Variants in NOTCH4 observed in about 807,000 individuals in gnomAD.
NOTCH4 encodes neurogenic locus notch homolog protein 4.
A neutral mutation model predicts 189.0 loss-of-function variants in NOTCH4; 138 were observed. That is an observed-to-expected ratio of 0.73 (90% CI 0.64 to 0.84). The LOEUF (loss-of-function observed/expected upper bound fraction) is 0.84. Among genes scored for constraint, NOTCH4 ranks in the 40% least tolerant of loss-of-function variants. The pLI is 0.00. For missense variants in NOTCH4, 2,286 were observed against 2,605.4 expected (o/e 0.88, Z 2.67); for synonymous variants, 942 against 1,032.8 (o/e 0.91, Z 1.69).
chr6:32,208,530 C>T (rs1358908661), intron 18 of NOTCH4, among the ~76,000 whole-genome samples: 4 of 152,022 alleles, frequency 2.6e-5, no homozygotes, highest in South Asian at 2.1e-4. Context: ...GTCAGGAGTT[C>T]GAGACCATCC....
Position 32,195,950 on chromosome 6 carries a change from CG to C in NOTCH4, c.5498del (p.Pro1833ArgfsTer16). 1.3e-6 allele frequency: 2 copies of C among 1,593,052 alleles called. No homozygotes were observed. The highest frequency in any genetic ancestry group is 1.7e-6 in the Non-Finnish European group (2 of 1,176,704). On this transcript the variant is annotated frameshift_variant, in exon 30 of 30. Transcript: ENST00000375023. LOFTEE classifies it low-confidence loss of function (END_TRUNC). The surrounding 1 kb of genome is among the most constrained non-coding windows in gnomAD (Gnocchi z 5.4). ...GPPEARHKAT[P>X]GREAGPFPRA... ...GCGGGAAGGGCCCAGCCTCGCGGCC[CG>C]GCGTGGCTTTGTGACGGGCCTCTGG...
Position 32,199,063 on chromosome 6 carries a change from G to A in NOTCH4, c.4398C>T (p.Leu1466=), listed in dbSNP as rs766682085. The change falls in exon 24 of 30, where the codon CTC becomes CTT. Residue 1466 remains leucine (L), a synonymous_variant. Coordinates refer to ENST00000375023, the MANE Select transcript of NOTCH4 (RefSeq NM_004557.4). This position sits in a 1 kb window ranked among gnomAD's most constrained non-coding sequence, Gnocchi z 4.9. ...GVILLALGAL[L]VLQLIRRRRR... Reference sequence around the variant, plus strand: ...GTCGACGCCGGATGAGCTGGAGGACGAGAAGAGCCCCTAGGGCCAGGAGAA... The same window carrying A: ...GTCGACGCCGGATGAGCTGGAGGACAAGAAGAGCCCCTAGGGCCAGGAGAA... The A allele has an allele frequency of 1.4e-5, 22 of 1,612,848 alleles. No individual in the cohort carries two copies. The highest frequency in any genetic ancestry group is 1.8e-5 in the Non-Finnish European group (21 of 1,179,888).
Position 32,195,685 on chromosome 6 carries a change from C to T in NOTCH4, c.5764G>A (p.Gly1922Arg), listed in dbSNP as rs141525894. The T allele has an allele frequency of 3.1e-4, 497 of 1,612,846 alleles. No homozygotes were observed. The highest frequency in any genetic ancestry group is 4.0e-4 in the Non-Finnish European group (474 of 1,179,984). Residue 1922 changes from glycine to arginine, a missense_variant, in exon 30 of 30, where the codon GGG becomes AGG. By Grantham distance (125) the Gly-to-Arg change is moderately radical. This residue lies in a region of NOTCH4 where 383 missense variants were observed against 343.5 expected (regional missense o/e 1.11). Transcript: ENST00000375023. The surrounding 1 kb of genome is among the most constrained non-coding windows in gnomAD (Gnocchi z 5.4). Reference sequence around the variant, plus strand: ...ATTATCGCAGGGTTGGGCCGAGGCCCGCGCATGCCTGCAGAAAACCTACGG... The same window carrying T: ...ATTATCGCAGGGTTGGGCCGAGGCCTGCGCATGCCTGCAGAAAACCTACGG... ...RGRRFSAGMR[G>R]PRPNPAIMRG...
Position 32,217,230 on chromosome 6 carries a change from T to C in NOTCH4, c.1661A>G (p.Glu554Gly). 2 of 1,612,964 alleles carry C rather than the reference T, an allele frequency of 1.2e-6. No homozygotes were observed. The highest frequency in any genetic ancestry group is 8.5e-7 in the Non-Finnish European group (1 of 1,179,938). Residue 554 changes from glutamate to glycine, a missense_variant, in exon 10 of 30, where the codon GAG (glutamate) becomes GGG (glycine). This residue lies in a region of NOTCH4 where 1,903 missense variants were observed against 2,261.9 expected (regional missense o/e 0.84). Transcript: ENST00000375023. This position sits in a 1 kb window ranked among gnomAD's most constrained non-coding sequence, Gnocchi z 4.2. ...ATTGGCACAGGGAGAGCTTCTGCAC[T>C]CATCGATATCCTCCTCACATCGGGT... The part of the protein sequence containing the change: ...SGTRCEEDID[E>G]CRSSPCANGG...
rs758705010 is a variant in NOTCH4, at chr6:32,210,578, T to G, written c.2865+174A>C. 6.6e-6 allele frequency among the ~76,000 whole-genome samples: 1 copy of G among 152,158 alleles called. No individual in the cohort carries two copies. The highest frequency in any genetic ancestry group is 1.5e-5 in the Non-Finnish European group (1 of 68,028). ...AAAGGGTGAAGGTGAAAGCACAGAC[T>G]TGAGAAAACTTCAGGAGATAAAGTG... On this transcript the variant is annotated intron_variant, in intron 18 of 29. Transcript: ENST00000375023. This position sits in a 1 kb window ranked among gnomAD's most constrained non-coding sequence, Gnocchi z 4.8.
rs750353468 is a variant in NOTCH4 at position 32,202,185 on chromosome 6, AG to A, written c.3645del (p.Ser1216ProfsTer88). On this transcript the variant is annotated frameshift_variant, in exon 21 of 30. Transcript: ENST00000375023. LOFTEE classifies it high-confidence loss of function. This position sits in a 1 kb window ranked among gnomAD's most constrained non-coding sequence, Gnocchi z 5.7. ...LGVPDPWKGC[P>X]SHSRCWLLFR... is the part of the protein sequence containing the mutation. ...AAGAGAAGCCAGCACCGAGAGTGGG[AG>A]GGGCAGCCCTTCCAGGGGTCTGGGA... is the stretch of plus-strand genomic sequence containing the variant. The A allele has an allele frequency of 6.6e-7, 1 of 1,521,734 alleles. No individual in the cohort carries two copies. The highest frequency in any genetic ancestry group is 8.8e-7 in the Non-Finnish European group (1 of 1,134,024). The allele number at this position is 1,521,734 out of a possible 1,614,324, so 94.3% of individuals were successfully genotyped here.
At position 32,202,156 on chromosome 6, in the gene NOTCH4, C is replaced by A. The variant is rs141028533; in HGVS notation, c.3675G>T (p.Arg1225=). The change falls in exon 21 of 30, where the codon CGG becomes CGT. Residue 1225 remains arginine, a synonymous_variant. Coordinates refer to ENST00000375023, the MANE Select transcript of NOTCH4 (RefSeq NM_004557.4). The surrounding 1 kb of genome is among the most constrained non-coding windows in gnomAD (Gnocchi z 5.7). ...CACACTGTGGGTGGCACTGCCCGTCCCGGAAGAGAAGCCAGCACCGAGAGT... is the reference window on the plus strand; with the variant it reads ...CACACTGTGGGTGGCACTGCCCGTCACGGAAGAGAAGCCAGCACCGAGAGT... The part of the protein sequence containing the change: ...PSHSRCWLLF[R]DGQCHPQCDS... 179 of 1,520,438 alleles carry A rather than the reference C, an allele frequency of 1.2e-4. No individual in the cohort carries two copies. In the African/African-American group the frequency reaches 2.1e-3, roughly 18 times the overall value. 94.2% of individuals were successfully genotyped at this position (1,520,438 alleles called of 1,614,324 possible).
At position 32,213,144 on chromosome 6, in the gene NOTCH4, C is replaced by T. The variant is rs1259661594; in HGVS notation, c.2429G>A (p.Cys810Tyr). Residue 810 changes from cysteine to tyrosine, a missense_variant, in exon 15 of 30, where the codon TGT (cysteine) becomes TAT (tyrosine). Physicochemically the swap from Cys to Tyr is radical, Grantham distance 194. This residue lies in a region of NOTCH4 where 1,903 missense variants were observed against 2,261.9 expected (regional missense o/e 0.84). Coordinates refer to ENST00000375023, the MANE Select transcript of NOTCH4 (RefSeq NM_004557.4). ...PRCEGKLRPSCADSPCRNRAT... is the reference protein window; with the variant it reads ...PRCEGKLRPSYADSPCRNRAT... ...TTTGGGCCCTGCTCACCTGTCTGCA[C>T]AGCTGGGGCGGAGCTTTCCCTCACA... The T allele has an allele frequency of 1.9e-6, 3 of 1,613,096 alleles. No homozygotes were observed. Among genetic ancestry groups the T allele is most frequent in the East Asian group, 2.2e-5 (1 of 44,868 alleles).
chr6:32,218,123 A>G lies in NOTCH4; in HGVS notation c.1511-15T>C, dbSNP rs1301391379. The G allele has an allele frequency of 6.5e-7, 1 of 1,543,254 alleles. No homozygotes were observed. The highest frequency in any genetic ancestry group is 1.1e-5 in the South Asian group (1 of 87,776). Reference sequence around the variant, plus strand: ...CCCTTCTAAGCCTGGGGACATGGGGACCATGAGGGCTGTGGCTCAGCCAGG... The same window carrying G: ...CCCTTCTAAGCCTGGGGACATGGGGGCCATGAGGGCTGTGGCTCAGCCAGG... On this transcript the variant is annotated splice_polypyrimidine_tract_variant and intron_variant, in intron 8 of 29. Coordinates refer to ENST00000375023, the MANE Select transcript of NOTCH4 (RefSeq NM_004557.4).
Position 32,199,214 on chromosome 6 carries a change from T to A in NOTCH4, c.4316-69A>T. On this transcript the variant is annotated intron_variant, in intron 23 of 29. Transcript: ENST00000375023. This position sits in a 1 kb window ranked among gnomAD's most constrained non-coding sequence, Gnocchi z 4.9. Reference sequence around the variant, plus strand: ...AGACTGATTACTATTGGGAGACCTTTGGACAAGTTTAGTAGCCGGTCTTTG... The same window carrying A: ...AGACTGATTACTATTGGGAGACCTTAGGACAAGTTTAGTAGCCGGTCTTTG... The A allele has an allele frequency of 8.1e-7, 1 of 1,228,158 alleles. No individual in the cohort carries two copies. The highest frequency in any genetic ancestry group is 1.5e-5 in the South Asian group (1 of 65,514). The allele number at this position is 1,228,158 out of a possible 1,614,324, so 76.1% of individuals were successfully genotyped here.
chr6:32,206,980 G>A (rs532931047), intron 18 of NOTCH4, among the ~76,000 whole-genome samples: 2 of 151,078 alleles, frequency 1.3e-5, no homozygotes, highest in South Asian at 4.2e-4. Context: ...TGCCAGGCTG[G>A]AGTGCAATGG....
Position 32,197,573 on chromosome 6 carries a change from G to A in NOTCH4, c.4778C>T (p.Ser1593Leu), listed in dbSNP as rs2127461744. The A allele has an allele frequency of 6.2e-7, 1 of 1,611,638 alleles. No homozygotes were observed. Among genetic ancestry groups the A allele is most frequent in the Non-Finnish European group, 8.5e-7 (1 of 1,178,990 alleles). Residue 1593 changes from serine (S) to leucine (L), a missense_variant, in exon 27 of 30, where the codon TCA becomes TTA. Transcript: ENST00000375023. ...RGPDGVTPLM[S>L]AVCCGEVQSG... ...CTGTACTTCCCCACAGCAAACTGCT[G>A]ACATCAGGGGTGTCACCCCATCTGT...
rs1341686766 is a variant in NOTCH4 at position 32,201,373 on chromosome 6, G to C, written c.3883C>G (p.Pro1295Ala). The change falls in exon 22 of 30, where the codon CCC becomes GCC. Residue 1295 changes from proline to alanine, a missense_variant. By Grantham distance (27) the Pro-to-Ala change is conservative. Around this residue, in one of 2 missense-constraint regions of NOTCH4, gnomAD observed 1,903 missense variants for 2,261.9 expected, o/e 0.84. Coordinates refer to ENST00000375023, the MANE Select transcript of NOTCH4 (RefSeq NM_004557.4). The surrounding 1 kb of genome is among the most constrained non-coding windows in gnomAD (Gnocchi z 5.5). ...RPEDGDPEWGPSLALLVVLSP... is the reference protein window; with the variant it reads ...RPEDGDPEWGASLALLVVLSP... ...AGTACCACCAGCAGGGCCAGGGAGG[G>C]CCCCCACTCTGGGTCCCCATCTTCA... is the stretch of plus-strand genomic sequence containing the variant. 3 of 1,594,978 alleles carry C rather than the reference G, an allele frequency of 1.9e-6. No homozygotes were observed. Among genetic ancestry groups the C allele is most frequent in the Middle Eastern group, 1.7e-4 (1 of 5,944 alleles).
rs376773696 is a variant in NOTCH4 at position 32,195,952 on chromosome 6, G to T, written c.5497C>A (p.Pro1833Thr). 26 of 1,593,806 alleles carry T rather than the reference G, an allele frequency of 1.6e-5. No individual in the cohort carries two copies. In the African/African-American group the frequency reaches 3.3e-4, roughly 20 times the overall value. ...GPPEARHKAT[P>T]GREAGPFPRA... The stretch of plus-strand genomic sequence containing the variant: ...GGGAAGGGCCCAGCCTCGCGGCCCG[G>T]CGTGGCTTTGTGACGGGCCTCTGGT... The change falls in exon 30 of 30, where the codon CCG (proline) becomes ACG (threonine). Residue 1833 changes from proline to threonine, a missense_variant. Physicochemically the swap from Pro to Thr is conservative, Grantham distance 38. This residue lies in a region of NOTCH4 where 383 missense variants were observed against 343.5 expected (regional missense o/e 1.11). Coordinates refer to ENST00000375023, the MANE Select transcript of NOTCH4 (RefSeq NM_004557.4). This position sits in a 1 kb window ranked among gnomAD's most constrained non-coding sequence, Gnocchi z 5.4.
chr6:32,203,466 CAA>C, intron 20 of NOTCH4: 1 of 411,066 alleles, frequency 2.4e-6, no homozygotes, highest in Non-Finnish European at 4.3e-6. Context: ...AATACATATA[CAA>C]ACACACACAG....
At position 32,196,936 on chromosome 6, in the gene NOTCH4, C is replaced by G; in HGVS notation, c.5189G>C (p.Arg1730Thr). 6.2e-7 allele frequency: 1 copy of G among 1,612,984 alleles called. No individual in the cohort carries two copies. The highest frequency in any genetic ancestry group is 1.1e-5 in the South Asian group (1 of 91,076). Residue 1730 changes from arginine (R) to threonine (T), a missense_variant, in exon 28 of 30, where the codon AGA (arginine) becomes ACA (threonine). Transcript: ENST00000375023. Reference sequence around the variant, plus strand: ...CTTCCTCTACATACCCCATTTATCTCTGGCCCCCACGTCTGCTTGGGCTGC... The same window carrying G: ...CTTCCTCTACATACCCCATTTATCTGTGGCCCCCACGTCTGCTTGGGCTGC... ...LIAAQADVGA[R>T]DKWGKTALHW...
In NOTCH4 at chr6:32,195,891, T is replaced by A. The variant is rs1392297268; in HGVS notation, c.5558A>T (p.His1853Leu). ...GCAGCGCGGCAGAGCCCCGCCCCCA[T>A]GCGGGGGCACGCTTACTGACACCGT... The part of the protein sequence containing the change: ...ARTVSVSVPP[H>L]GGGALPRCRT... Residue 1853 changes from histidine to leucine, a missense_variant, in exon 30 of 30, where the codon CAT becomes CTT. Physicochemically the swap from His to Leu is moderately conservative, Grantham distance 99. Around this residue, in one of 2 missense-constraint regions of NOTCH4, gnomAD observed 383 missense variants for 343.5 expected, o/e 1.11. Coordinates refer to ENST00000375023, the MANE Select transcript of NOTCH4 (RefSeq NM_004557.4). This position sits in a 1 kb window ranked among gnomAD's most constrained non-coding sequence, Gnocchi z 5.4. The A allele has an allele frequency of 3.2e-6, 5 of 1,586,892 alleles. No individual in the cohort carries two copies. The highest frequency in any genetic ancestry group is 1.8e-4 in the Middle Eastern group (1 of 5,658).
rs2127463315 is a variant in NOTCH4 at position 32,199,030 on chromosome 6, C to A, written c.4431G>T (p.Glu1477Asp). ...CAGGGGGCAGCCAGAGAGCTCCATG[C>A]TCTCGGCGTCGACGCCGGATGAGCT... Reference protein sequence around the residue: ...VLQLIRRRRREHGALWLPPGF... With the variant: ...VLQLIRRRRRDHGALWLPPGF... The change falls in exon 24 of 30, where the codon GAG becomes GAT. Residue 1477 changes from glutamate to aspartate, a missense_variant. By Grantham distance (45) the Glu-to-Asp change is conservative. Transcript: ENST00000375023. This position sits in a 1 kb window ranked among gnomAD's most constrained non-coding sequence, Gnocchi z 4.9. 6.2e-7 allele frequency: 1 copy of A among 1,612,842 alleles called. No individual in the cohort carries two copies. Among genetic ancestry groups the A allele is most frequent in the Non-Finnish European group, 8.5e-7 (1 of 1,179,930 alleles).
rs1788285244 is a variant in NOTCH4, at chr6:32,200,755, A to G, written c.4315+76T>C. 5 of 1,248,704 alleles carry G rather than the reference A, an allele frequency of 4.0e-6. No individual in the cohort carries two copies. The highest frequency in any genetic ancestry group is 5.5e-6 in the Non-Finnish European group (5 of 910,428). 77.4% of individuals were successfully genotyped at this position (1,248,704 alleles called of 1,614,324 possible). On this transcript the variant is annotated intron_variant, in intron 23 of 29. Transcript: ENST00000375023. The surrounding 1 kb of genome is among the most constrained non-coding windows in gnomAD (Gnocchi z 5.0). ...CAGTCTCAGCTGTCCTGTTTGATTC[A>G]GCCTCCATTGCCTGTTGCTAGCATG...
Sources: allele counts gnomAD v4.1 joint callset (sites outside exome capture counted in the v4.1 genomes callset), GRCh38; gene constraint gnomAD v4.1.1; regional missense constraint gnomAD v4.1.1; non-coding constraint Gnocchi (gnomAD v3.1); transcripts MANE v1.5; gene names NCBI Gene and HGNC (gene_info 2026-07-23, HGNC 2026-07-21).